COL6A3: variants seen among roughly 807,000 people sequenced by gnomAD.
The protein encoded by COL6A3 is collagen type VI alpha 3 chain.
Under a neutral mutation model 274.1 loss-of-function variants are expected in COL6A3, and 137 were observed. The observed-to-expected ratio is 0.50, with a 90% CI of 0.44 to 0.58. The LOEUF (loss-of-function observed/expected upper bound fraction) is 0.58. Ranked by LOEUF, COL6A3 falls within the 20% of genes least tolerant of loss-of-function variation. COL6A3 has a pLI of 0.00. For synonymous variants in COL6A3, 1,650 were observed against 1,650.6 expected, an observed-to-expected ratio of 1.00 and a Z score of 0.01; for missense variants, 3,950 against 4,124.9, an observed-to-expected ratio of 0.96 and a Z score of 1.16.
chr2:237,325,829 A>T (rs1020502250), intron 42 of COL6A3, 105 bp from the exon 43 acceptor site: 9 of 959,652 alleles, frequency 9.4e-6, no homozygotes, highest in Non-Finnish European at 1.4e-5. Flanking sequence ...CAGAAGGAAA[A>T]AAAAGAAGAG....
At position 237,346,994 on chromosome 2, in the gene COL6A3, T is replaced by G. The variant is rs192593485; in HGVS notation, c.7030-429A>C. Among the ~76,000 whole-genome samples, 23 of 151,962 alleles carry G rather than the reference T, an allele frequency of 1.5e-4. No individual in the cohort carries two copies. In the East Asian group the frequency reaches 4.1e-3, roughly 27 times the overall value. On this transcript the variant is annotated intron_variant, in intron 31 of 43. Transcript: ENST00000295550. ...TCACTGATCAAATTAATAAGATAAT[T>G]ATGTTTCTTTTTAAACTACATTTCA... is the stretch of plus-strand genomic sequence containing the variant.
chr2:237,332,038 A>C (rs1700254015), intron 42 of COL6A3, among the ~76,000 whole-genome samples: 1 of 104,898 alleles, frequency 9.5e-6, no homozygotes, highest in Non-Finnish European at 2.0e-5. Context: ...GAACCTCACA[A>C]CTCTCTCCCC....
intron 28 of COL6A3, among the ~76,000 whole-genome samples, chr2:237,349,193 C>T (rs2077156077): frequency 6.6e-6 from 1 of 151,574 alleles, no homozygotes; most frequent in Admixed American, 6.6e-5. Flanking sequence ...CTGTTGCTCT[C>T]TCATGAGGAG....
rs140893680 is a variant in COL6A3 at position 237,338,029 on chromosome 2, C to T, written c.8567+986G>A. On this transcript the variant is annotated intron_variant, in intron 39 of 43. Transcript: ENST00000295550. ...TTACGTAATCATTTCACACCAGATACGGTAAATTGTTTGGAACTATGGTCT... is the reference window on the plus strand; with the variant it reads ...TTACGTAATCATTTCACACCAGATATGGTAAATTGTTTGGAACTATGGTCT... Among the ~76,000 whole-genome samples, 363 of 152,336 alleles carry T rather than the reference C, an allele frequency of 2.4e-3. 2 individuals are homozygous for T. The highest frequency in any genetic ancestry group is 7.6e-3 in the African/African-American group (315 of 41,570).
Position 237,381,147 on chromosome 2 carries a change from C to T in COL6A3, c.1665G>A (p.Leu555=). ...CATCTAGGGACTTACCACCTGTGAT[C>T]AGCACCAAAAGCTTAGGAATCCCCT... The part of the protein sequence containing the change: ...AAEGIPKLLV[L]ITGGKSLDEI... Residue 555 remains leucine (L), a synonymous_variant, in exon 5 of 44, where the codon CTG becomes CTA. Coordinates refer to ENST00000295550, the MANE Select transcript of COL6A3 (RefSeq NM_004369.4). 7 of 1,614,256 alleles carry T rather than the reference C, an allele frequency of 4.3e-6. No individual in the cohort carries two copies. Among genetic ancestry groups the T allele is most frequent in the Non-Finnish European group, 5.9e-6 (7 of 1,180,058 alleles).
intron 7 of COL6A3, 113 bp from the exon 8 acceptor site, chr2:237,375,133 C>A: frequency 6.6e-6 from 10 of 1,509,650 alleles, no homozygotes; most frequent in Non-Finnish European, 9.0e-6. Flanking sequence ...AATCCCCGAA[C>A]TTGAGAAAAG....
Position 237,353,342 on chromosome 2 carries a change from T to C in COL6A3, c.6689A>G (p.Gln2230Arg), listed in dbSNP as rs764721326. The change falls in exon 25 of 44, where the codon CAG (glutamine) becomes CGG (arginine). Residue 2230 changes from glutamine to arginine, a missense_variant and splice_region_variant. Physicochemically the swap from Gln to Arg is conservative, Grantham distance 43. Around this residue, in one of 5 missense-constraint regions of COL6A3, gnomAD observed 1,284 missense variants for 1,349.7 expected, o/e 0.95. Coordinates refer to ENST00000295550, the MANE Select transcript of COL6A3 (RefSeq NM_004369.4). ...FEGEQGTRGA[Q>R]GPAGPAGPPG... ...ACAGTCACACACGGAAGCACTCACCTGTGCACCTCTGGTCCCCTGCTCTCC... is the reference window on the plus strand; with the variant it reads ...ACAGTCACACACGGAAGCACTCACCCGTGCACCTCTGGTCCCCTGCTCTCC... 9 of 1,614,084 alleles carry C rather than the reference T, an allele frequency of 5.6e-6. No homozygotes were observed. The South Asian group carries it at 9.9e-5, about 18-fold the overall frequency.
At position 237,340,810 on chromosome 2, in the gene COL6A3, G is replaced by A. The variant is rs2076971358; in HGVS notation, c.8106C>T (p.Leu2702=). The change falls in exon 38 of 44, where the codon CTC becomes CTT. Residue 2702 remains leucine, a synonymous_variant. Coordinates refer to ENST00000295550, the MANE Select transcript of COL6A3 (RefSeq NM_004369.4). The part of the protein sequence containing the change: ...YGSKEKLVDF[L]SRGMTQLQGT... ...CCTGCAACTGTGTCATTCCCCTGCT[G>A]AGGAAGTCCACCAGCTTCTCCTTGG... is the stretch of plus-strand genomic sequence containing the variant. The A allele has an allele frequency of 1.2e-6, 2 of 1,614,186 alleles. No homozygotes were observed. Among genetic ancestry groups the A allele is most frequent in the Non-Finnish European group, 1.7e-6 (2 of 1,180,052 alleles).
chr2:237,325,964 C>T (rs1298882286), intron 42 of COL6A3: 4 of 416,816 alleles, frequency 9.6e-6, no homozygotes, highest in Non-Finnish European at 1.7e-5. Context: ...GCTTCATAAA[C>T]AGCACTCAGA....
At chr2:237,332,392 C>A (rs1700310168) in intron 42 of COL6A3, among the ~76,000 whole-genome samples, 1 of 151,980 alleles carries the variant, frequency 6.6e-6, no homozygotes. Flanking sequence ...TGAGAAATGA[C>A]ATACACAGAT....
rs544800460 is a variant in COL6A3, at chr2:237,367,183, T to G, written c.5004A>C (p.Thr1668=). 1.2e-6 allele frequency: 2 copies of G among 1,614,204 alleles called. No homozygotes were observed. The highest frequency in any genetic ancestry group is 2.2e-5 in the East Asian group (1 of 44,886). Residue 1668 remains threonine, a synonymous_variant, in exon 11 of 44, where the codon ACA becomes ACC. Transcript: ENST00000295550. ...VLRFVSEIVD[T]VYEDGDSIQV... ...GGATGGAGTCGCCATCTTCATAAAC[T>G]GTGTCCACTATTTCAGACACAAAAC...
At position 237,367,214 on chromosome 2, in the gene COL6A3, A is replaced by G. The variant is rs377630865; in HGVS notation, c.4973T>C (p.Val1658Ala). The change falls in exon 11 of 44, where the codon GTG becomes GCG. Residue 1658 changes from valine (V) to alanine (A), a missense_variant. Physicochemically the swap from Val to Ala is moderately conservative, Grantham distance 64 (BLOSUM62 0). Coordinates refer to ENST00000295550, the MANE Select transcript of COL6A3 (RefSeq NM_004369.4). ...INFRRDSFQE[V>A]LRFVSEIVDT... is the part of the protein sequence containing the mutation. ...CACTATTTCAGACACAAAACGAAGC[A>G]CTTCCTGGAAACTGTCCCTCCTGAA... The G allele has an allele frequency of 3.1e-6, 5 of 1,613,970 alleles. No individual in the cohort carries two copies. Among genetic ancestry groups the G allele is most frequent in the South Asian group, 1.1e-5 (1 of 91,068 alleles).
chr2:237,334,400 G>C (rs1030415624), intron 41 of COL6A3, among the ~76,000 whole-genome samples: 1 of 152,230 alleles, frequency 6.6e-6, no homozygotes, highest in Non-Finnish European at 1.5e-5. Flanking sequence ...CCAGGACCCA[G>C]AGGGCAGGAC....
At chr2:237,409,533 T>G (rs199587144) in intron 1 of COL6A3, among the ~76,000 whole-genome samples, 129 of 152,018 alleles carry the variant, frequency 8.5e-4, no homozygotes, top group African/African-American at 2.7e-3. Context: ...TTTTTGTTTT[T>G]TTTGTTTGTT....
chr2:237,365,264 A>C (rs1225489664), intron 12 of COL6A3, among the ~76,000 whole-genome samples: 1 of 151,698 alleles, frequency 6.6e-6, no homozygotes, highest in East Asian at 1.9e-4. Flanking sequence ...CTGTGAGAAA[A>C]TAAATGTCTG....
Position 237,358,553 on chromosome 2 carries a change from C to A in COL6A3, c.6439G>T (p.Glu2147Ter). The change falls in exon 21 of 44, where the codon GAA becomes TAA. Residue 2147 changes from glutamate to a stop codon, truncating the protein, a stop_gained. Transcript: ENST00000295550. LOFTEE classifies it high-confidence loss of function. ...CCTCGAATCCCAACATCTCCTCTTT[C>A]TCCTTTCTCTCCTCGAGGTCCTTTA... ...GDKGPRGEKG[E>*]RGDVGIRGDP... is the part of the protein sequence containing the mutation. The A allele has an allele frequency of 6.2e-7, 1 of 1,614,086 alleles. No individual in the cohort carries two copies. Among genetic ancestry groups the A allele is most frequent in the Non-Finnish European group, 8.5e-7 (1 of 1,179,962 alleles).
chr2:237,369,670 C>T (rs529925598), intron 9 of COL6A3, among the ~76,000 whole-genome samples: 9 of 152,192 alleles, frequency 5.9e-5, no homozygotes, highest in African/African-American at 1.7e-4. Flanking sequence ...CAGCATGCTG[C>T]GCAATCTCAG....
intron 28 of COL6A3, 71 bp downstream of exon 28, chr2:237,350,076 C>A: frequency 2.1e-6 from 3 of 1,419,774 alleles, no homozygotes; most frequent in Middle Eastern, 1.7e-4. Flanking sequence ...ATTTGGAACC[C>A]TCTCCTGGCT....
chr2:237,367,037 G>A lies in COL6A3; in HGVS notation c.5150C>T (p.Ala1717Val). 6.2e-7 allele frequency: 1 copy of A among 1,614,236 alleles called. No homozygotes were observed. Among genetic ancestry groups the A allele is most frequent in the Non-Finnish European group, 8.5e-7 (1 of 1,180,050 alleles). Residue 1717 changes from alanine to valine, a missense_variant, in exon 11 of 44, where the codon GCC becomes GTC. Ala to Val is a moderately conservative substitution (Grantham distance 64, BLOSUM62 0). Coordinates refer to ENST00000295550, the MANE Select transcript of COL6A3 (RefSeq NM_004369.4). ...GTGCTCAAGGCCCACCTTAGTGTTGGCGTGTCTTCCCCCTTTGTAGACCAC... is the reference window on the plus strand; with the variant it reads ...GTGCTCAAGGCCCACCTTAGTGTTGACGTGTCTTCCCCCTTTGTAGACCAC... Reference protein sequence around the residue: ...NKVVYKGGRHANTKVGLEHLR... With the variant: ...NKVVYKGGRHVNTKVGLEHLR...
Sources: allele counts gnomAD v4.1 joint callset (sites outside exome capture counted in the v4.1 genomes callset), GRCh38; gene constraint gnomAD v4.1.1; regional missense constraint gnomAD v4.1.1; transcripts MANE v1.5; gene names NCBI Gene and HGNC (gene_info 2026-07-23, HGNC 2026-07-21).